The following SPAG16 variants were observed in gnomAD, a reference collection of about 807,000 sequenced individuals.
The protein encoded by SPAG16 is sperm associated antigen 16.
SPAG16 carries 86 observed loss-of-function variants against 80.4 expected under a neutral mutation model. The observed-to-expected ratio is 1.07, with a 90% CI of 0.90 to 1.28. The LOEUF (loss-of-function observed/expected upper bound fraction) is 1.28, where lower values mean the gene tolerates loss of function less well. Ranked by LOEUF, SPAG16 falls within the 50% of genes most tolerant of loss-of-function variation. The pLI is 0.00. For missense variants in SPAG16, 870 were observed against 765.3 expected (o/e 1.14, Z -1.61); for synonymous variants, 294 against 265.9 (o/e 1.11, Z -1.03).
At chr2:213,346,653 A>T (rs1256480527) in intron 6 of SPAG16, among the ~76,000 whole-genome samples, 4 of 152,038 alleles carry the variant, frequency 2.6e-5, no homozygotes, top group Admixed American at 2.0e-4. Flanking sequence ...GTTTTTTGTC[A>T]TTGGCTCTGT....
rs74267779 is a variant in SPAG16 at position 213,700,766 on chromosome 2, T to C, written c.1071-161719T>C. 5.9e-5 allele frequency among the ~76,000 whole-genome samples: 9 copies of C among 152,332 alleles called. No individual in the cohort carries two copies. In the East Asian group the frequency reaches 1.7e-3, roughly 29 times the overall value. ...CTATACAAAGGTCCCTTTCATTACC[T>C]CTTTTACAGATTTTTAAAAATTCTC... On this transcript the variant is annotated intron_variant, in intron 10 of 15. Transcript: ENST00000331683.
intron 9 of SPAG16, among the ~76,000 whole-genome samples, chr2:213,397,272 G>C (rs1247473987): frequency 6.6e-6 from 1 of 152,196 alleles, no homozygotes; most frequent in Non-Finnish European, 1.5e-5. Context: ...GTATGAGAGA[G>C]CAACAACACA....
intron 7 of SPAG16, among the ~76,000 whole-genome samples, chr2:213,362,640 A>G (rs563767688): frequency 5.3e-5 from 8 of 152,312 alleles, no homozygotes; most frequent in Non-Finnish European, 8.8e-5. Flanking sequence ...TAGTCTAACC[A>G]TGGGGAAAAT....
intron 15 of SPAG16, among the ~76,000 whole-genome samples, chr2:214,287,141 C>G (rs1693423491): frequency 6.6e-6 from 1 of 152,150 alleles, no homozygotes; most frequent in Non-Finnish European, 1.5e-5. Context: ...TAGCAAATGC[C>G]ATAATCATGC....
At chr2:214,252,532 G>A (rs995960836) in intron 15 of SPAG16, among the ~76,000 whole-genome samples, 1 of 151,068 alleles carries the variant, frequency 6.6e-6, no homozygotes, top group Non-Finnish European at 1.5e-5. Flanking sequence ...ACTTATATGT[G>A]AGAATGTGTG....
At chr2:214,186,492 C>T (rs760962737) in intron 15 of SPAG16, among the ~76,000 whole-genome samples, 11 of 151,994 alleles carry the variant, frequency 7.2e-5, no homozygotes, top group African/African-American at 9.7e-5. Context: ...AAAAATTGTA[C>T]GTCCAGAGAA....
intron 10 of SPAG16, among the ~76,000 whole-genome samples, chr2:213,492,522 C>T (rs2074299265): frequency 6.6e-6 from 1 of 151,924 alleles, no homozygotes; most frequent in South Asian, 2.1e-4. Flanking sequence ...TGCCCTCCAG[C>T]CTAGGCGACA....
chr2:214,123,065 G>A (rs1247905504), intron 14 of SPAG16, among the ~76,000 whole-genome samples: 2 of 151,626 alleles, frequency 1.3e-5, no homozygotes, highest in Non-Finnish European at 3.0e-5. Flanking sequence ...CTAGTAAAAA[G>A]TGAAACGCTT....
intron 10 of SPAG16, among the ~76,000 whole-genome samples, chr2:213,841,355 G>T (rs1306543787): frequency 6.6e-6 from 1 of 152,102 alleles, no homozygotes; most frequent in Non-Finnish European, 1.5e-5. Flanking sequence ...GAAAATAAGG[G>T]TTTCATATTC....
chr2:213,929,000 CTTTTTTTTTT>C (rs59993057), intron 11 of SPAG16, among the ~76,000 whole-genome samples: 1 of 40,834 alleles, frequency 2.4e-5, no homozygotes, highest in Non-Finnish European at 4.1e-5. Context: ...CTTTTCTTTT[CTTTTTTTTTT>C]TTTTTTTTTT....
At chr2:213,377,744 A>G (rs1172326936) in intron 9 of SPAG16, among the ~76,000 whole-genome samples, 1 of 152,112 alleles carries the variant, frequency 6.6e-6, no homozygotes, top group Admixed American at 6.6e-5. Context: ...TTAAAGACGA[A>G]TGGAAGAGTT....
chr2:213,441,865 C>T (rs1043160071), intron 9 of SPAG16, among the ~76,000 whole-genome samples: 7 of 152,080 alleles, frequency 4.6e-5, no homozygotes, highest in African/African-American at 1.7e-4. Context: ...ATTAAAAACA[C>T]GGCCGGGGTG....
intron 9 of SPAG16, among the ~76,000 whole-genome samples, chr2:213,482,092 ATAT>A (rs1403852089): frequency 6.6e-6 from 1 of 152,228 alleles, no homozygotes; most frequent in Non-Finnish European, 1.5e-5. Context: ...CCCAACTCAA[ATAT>A]CTCAGTGGAT....
chr2:213,677,450 A>C (rs1311034323), intron 10 of SPAG16, among the ~76,000 whole-genome samples: 3 of 152,104 alleles, frequency 2.0e-5, no homozygotes, highest in Non-Finnish European at 4.4e-5. Flanking sequence ...AAAACAAAAA[A>C]AGGCAGGGGT....
intron 15 of SPAG16, among the ~76,000 whole-genome samples, chr2:214,164,658 G>T (rs756347544): frequency 9.9e-5 from 15 of 152,044 alleles, no homozygotes; most frequent in Non-Finnish European, 1.9e-4. Context: ...TACATTTGAT[G>T]GGGTATAGGT....
intron 15 of SPAG16, among the ~76,000 whole-genome samples, chr2:214,228,255 C>T (rs550556311): frequency 6.6e-6 from 1 of 152,038 alleles, no homozygotes; most frequent in South Asian, 2.1e-4. Flanking sequence ...TTTTATGACT[C>T]ATGGATTTAA....
At chr2:214,302,541 C>T (rs1463193751) in intron 15 of SPAG16, among the ~76,000 whole-genome samples, 1 of 152,108 alleles carries the variant, frequency 6.6e-6, no homozygotes, top group African/African-American at 2.4e-5. Context: ...AGTGCAGTGG[C>T]ACCATCTCAG....
chr2:213,701,695 C>T (rs553178849), intron 10 of SPAG16, among the ~76,000 whole-genome samples: 49 of 152,280 alleles, frequency 3.2e-4, no homozygotes, highest in Admixed American at 5.9e-4. Flanking sequence ...GCTCCTGAGT[C>T]GGGTAGGGAC....
intron 15 of SPAG16, among the ~76,000 whole-genome samples, chr2:214,181,595 G>A (rs941560424): frequency 7.2e-5 from 11 of 151,892 alleles, no homozygotes. Flanking sequence ...AGCTTTGCTA[G>A]AGGCCGTCTC....
Sources: gnomAD v4.1 joint callset for allele counts (sites outside exome capture counted in the v4.1 genomes callset) on GRCh38, gnomAD v4.1.1 for gene constraint, MANE v1.5 for transcripts, NCBI Gene and HGNC (gene_info 2026-07-23, HGNC 2026-07-21) for gene names.